SBF2: variants seen among roughly 807,000 people sequenced by gnomAD.
The protein encoded by SBF2 is SET binding factor 2.
Under a neutral mutation model 225.2 loss-of-function variants are expected in SBF2, and 112 were observed. The observed-to-expected ratio is 0.50, with a 90% CI of 0.43 to 0.58. The LOEUF (loss-of-function observed/expected upper bound fraction) is 0.58. Ranked by LOEUF, SBF2 falls within the 20% of genes least tolerant of loss-of-function variation. The probability of loss-of-function intolerance (pLI) is 0.00; values close to 1 mark genes in which losing one functional copy is unlikely to be tolerated. For synonymous variants in SBF2, 763 were observed against 773.3 expected, an observed-to-expected ratio of 0.99 and a Z score of 0.22; for missense variants, 1,996 against 2,206.2, an observed-to-expected ratio of 0.90 and a Z score of 1.91.
At chr11:9,788,666 C>T (rs997104027) in intron 35 of SBF2, among the ~76,000 whole-genome samples, 2 of 150,348 alleles carry the variant, frequency 1.3e-5, no homozygotes, top group East Asian at 2.0e-4. Context: ...GTGATCTCTG[C>T]TCCCTGCAAG....
intron 2 of SBF2, among the ~76,000 whole-genome samples, chr11:10,077,623 T>C (rs939744164): frequency 6.6e-6 from 1 of 152,134 alleles, no homozygotes; most frequent in Non-Finnish European, 1.5e-5. Context: ...TTAAACCTTA[T>C]ACAAAAATTA....
intron 2 of SBF2, among the ~76,000 whole-genome samples, chr11:10,182,786 T>C (rs1031874494): frequency 3.3e-5 from 5 of 152,076 alleles, no homozygotes; most frequent in Non-Finnish European, 5.9e-5. Flanking sequence ...TTTTAATTTT[T>C]TTTTTTGAGA....
intron 16 of SBF2, 33 bp from the exon 17 acceptor site, chr11:9,896,044 G>C (rs747230477): frequency 6.5e-7 from 1 of 1,534,136 alleles, no homozygotes; most frequent in Non-Finnish European, 9.0e-7. Context: ...AGAGCATTAG[G>C]ATATTTACCA....
At position 10,084,249 on chromosome 11, in the gene SBF2, A is replaced by G. The variant is rs189459565; in HGVS notation, c.142-41268T>C. On this transcript the variant is annotated intron_variant, in intron 2 of 39. Transcript: ENST00000256190. Reference sequence around the variant, plus strand: ...TGCACATGTATCCTGGAACTTTTGGAAAAAAAAAAGTGTGCAAAAGACATG... The same window carrying G: ...TGCACATGTATCCTGGAACTTTTGGGAAAAAAAAAGTGTGCAAAAGACATG... Among the ~76,000 whole-genome samples, 280 of 150,438 alleles carry G rather than the reference A, an allele frequency of 1.9e-3. 2 individuals are homozygous for G. Among genetic ancestry groups the G allele is most frequent in the African/African-American group, 6.3e-3 (261 of 41,140 alleles).
At chr11:10,243,013 A>G (rs913356740) in intron 1 of SBF2, among the ~76,000 whole-genome samples, 2 of 152,184 alleles carry the variant, frequency 1.3e-5, no homozygotes, top group African/African-American at 4.8e-5. Flanking sequence ...CATTCCACCC[A>G]AAAGTAGCAG....
chr11:9,994,139 T>C (rs1489762514), intron 9 of SBF2, 141 bp from the exon 10 acceptor site: 3 of 731,090 alleles, frequency 4.1e-6, no homozygotes, highest in Non-Finnish European at 7.0e-6. Flanking sequence ...GGTAGTTCTA[T>C]ATGTACTATT....
chr11:9,941,670 A>T (rs1176311629), intron 16 of SBF2, among the ~76,000 whole-genome samples: 1 of 152,242 alleles, frequency 6.6e-6, no homozygotes, highest in Non-Finnish European at 1.5e-5. Context: ...ATAACCTGAT[A>T]GCAAATATCT....
At chr11:10,240,035 C>T (rs917964738) in intron 1 of SBF2, among the ~76,000 whole-genome samples, 21 of 151,818 alleles carry the variant, frequency 1.4e-4, no homozygotes, top group African/African-American at 4.1e-4. Flanking sequence ...AAGGTGAGTC[C>T]CACAGCTGAT....
At position 9,824,347 on chromosome 11, in the gene SBF2, A is replaced by G. The variant is rs181217100; in HGVS notation, c.3793+5009T>C. 8.6e-3 allele frequency among the ~76,000 whole-genome samples: 1,313 copies of G among 152,242 alleles called. 18 individuals are homozygous for G. Among genetic ancestry groups the G allele is most frequent in the African/African-American group, 0.03 (1,247 of 41,548 alleles). On this transcript the variant is annotated intron_variant, in intron 28 of 39. Coordinates refer to ENST00000256190, the MANE Select transcript of SBF2 (RefSeq NM_030962.4). ...GCTGAGGTGGGTGAATCACGAGGTCAGGAGATCGAGATCATCCTGGCCAAC... is the reference window on the plus strand; with the variant it reads ...GCTGAGGTGGGTGAATCACGAGGTCGGGAGATCGAGATCATCCTGGCCAAC...
At chr11:10,033,780 TATC>T (rs1342747226) in intron 3 of SBF2, among the ~76,000 whole-genome samples, 6 of 152,260 alleles carry the variant, frequency 3.9e-5, no homozygotes, top group African/African-American at 1.2e-4. Flanking sequence ...AGAAATAATT[TATC>T]ATGTCAGAGG....
chr11:9,979,940 A>G (rs899116357), intron 13 of SBF2, among the ~76,000 whole-genome samples: 55 of 151,274 alleles, frequency 3.6e-4, no homozygotes, highest in African/African-American at 1.3e-3. Flanking sequence ...CTCCCACCTC[A>G]GTCTCCTGAA....
At chr11:9,938,929 T>C (rs1480649076) in intron 16 of SBF2, among the ~76,000 whole-genome samples, 1 of 152,024 alleles carries the variant, frequency 6.6e-6, no homozygotes, top group African/African-American at 2.4e-5. Flanking sequence ...AAATAATGTA[T>C]TTGGGAAAAA....
intron 16 of SBF2, among the ~76,000 whole-genome samples, chr11:9,952,245 TACACAAACAAAC>T (rs1157651735): frequency 1.0e-3 from 86 of 83,232 alleles, no homozygotes; most frequent in Non-Finnish European, 1.6e-3. Context: ...TAAAAATAAA[TACACAAACAAAC>T]AAACAAACAA....
chr11:10,125,470 C>T (rs1005307152), intron 2 of SBF2, among the ~76,000 whole-genome samples: 10 of 152,016 alleles, frequency 6.6e-5, no homozygotes, highest in African/African-American at 2.4e-4. Flanking sequence ...TGTTAATGAA[C>T]GACACTAGAA....
chr11:9,959,767 G>A lies in SBF2; in HGVS notation c.1860+2190C>T, dbSNP rs1334078719. On this transcript the variant is annotated intron_variant, in intron 16 of 39. Coordinates refer to ENST00000256190, the MANE Select transcript of SBF2 (RefSeq NM_030962.4). The stretch of plus-strand genomic sequence containing the variant: ...CTGCTTGACGCCTCTGTTTAAGTGG[G>A]AGCTTGCTGAGATGGTCATGGTGGA... 3 of 644,316 alleles carry A rather than the reference G, an allele frequency of 4.7e-6. No homozygotes were observed. The East Asian group carries it at 1.2e-4, about 25-fold the overall frequency. 39.9% of individuals were successfully genotyped at this position (644,316 alleles called of 1,614,324 possible). A position where few individuals can be genotyped will look rare whatever the true frequency, so the allele number is the denominator to read the frequency against.
intron 16 of SBF2, among the ~76,000 whole-genome samples, chr11:9,909,377 G>A (rs1270156046): frequency 1.3e-5 from 2 of 151,504 alleles, no homozygotes; most frequent in Non-Finnish European, 2.9e-5. Flanking sequence ...TACAATATAA[G>A]ATACCCTGAG....
intron 1 of SBF2, among the ~76,000 whole-genome samples, chr11:10,248,937 T>C (rs1446283801): frequency 1.3e-5 from 2 of 151,752 alleles, no homozygotes; most frequent in African/African-American, 2.4e-5. Context: ...CTACTAAAAA[T>C]ACAAAAAAAT....
chr11:9,985,097 C>T (rs192177608), intron 13 of SBF2, among the ~76,000 whole-genome samples: 306 of 152,306 alleles, frequency 2.0e-3, no homozygotes, highest in African/African-American at 6.8e-3. Flanking sequence ...CAGTACCTCA[C>T]ATTTCAATAC....
chr11:10,076,663 G>A (rs1312679090), intron 2 of SBF2, among the ~76,000 whole-genome samples: 1 of 152,226 alleles, frequency 6.6e-6, no homozygotes, highest in African/African-American at 2.4e-5. Context: ...ATGGGAGGGA[G>A]CCCTGCCAGG....
Sources: gnomAD v4.1 joint callset for allele counts (sites outside exome capture counted in the v4.1 genomes callset) on GRCh38, gnomAD v4.1.1 for gene constraint, MANE v1.5 for transcripts, NCBI Gene and HGNC (gene_info 2026-07-23, HGNC 2026-07-21) for gene names.